MYBPC3: variants seen among roughly 807,000 people sequenced by gnomAD.
The protein encoded by MYBPC3 is myosin binding protein C3.
In MYBPC3, 108 loss-of-function variants were observed where a neutral mutation model predicts 159.3. The observed-to-expected ratio is 0.68, with a 90% CI of 0.58 to 0.80. The LOEUF (loss-of-function observed/expected upper bound fraction) is 0.80. Among genes scored for constraint, MYBPC3 ranks in the 30% least tolerant of loss-of-function variants. The pLI, the probability that MYBPC3 is intolerant of heterozygous loss-of-function variation, is 0.00. For synonymous variants in MYBPC3, 730 were observed against 702.0 expected, an observed-to-expected ratio of 1.04 and a Z score of -0.63; for missense variants, 1,631 against 1,762.1, an observed-to-expected ratio of 0.93 and a Z score of 1.33.
intron 28 of MYBPC3, 74 bp downstream of exon 28, chr11:47,333,848 C>G (rs1420068560): frequency 6.5e-7 from 1 of 1,548,842 alleles, no homozygotes; most frequent in East Asian, 2.4e-5. Context: ...AGCCCTGAGA[C>G]ATCAGTCCAC....
chr11:47,342,964 G>A (rs773266280), intron 15 of MYBPC3, 29 bp from the exon 16 acceptor site: 1 of 1,611,570 alleles, frequency 6.2e-7, no homozygotes, highest in Non-Finnish European at 8.5e-7. Context: ...CATGAGGGTT[G>A]GCTCCCCTGA....
In MYBPC3 at chr11:47,349,928, A is replaced by G; in HGVS notation, c.506-6T>C. On this transcript the variant is annotated splice_polypyrimidine_tract_variant and splice_region_variant and intron_variant, in intron 4 of 34. Coordinates refer to ENST00000545968, the MANE Select transcript of MYBPC3 (RefSeq NM_000256.3). The stretch of plus-strand genomic sequence containing the variant: ...TGAGAAGGTGATGCTGCCACCTGCA[A>G]AGGCAGGGGCGACAGGCCCGGCTTG... The G allele has an allele frequency of 6.5e-7, 1 of 1,535,986 alleles. No individual in the cohort carries two copies. The highest frequency in any genetic ancestry group is 2.4e-5 in the East Asian group (1 of 41,692).
chr11:47,351,838 A>G lies in MYBPC3; in HGVS notation c.26-333T>C, dbSNP rs933403599. On this transcript the variant is annotated intron_variant, in intron 1 of 34. Coordinates refer to ENST00000545968, the MANE Select transcript of MYBPC3 (RefSeq NM_000256.3). This position sits in a 1 kb window ranked among gnomAD's most constrained non-coding sequence, Gnocchi z 4.2. ...GAACCCAGCTCCCTTTCCCCCAACC[A>G]TTTCGGGCCCTTGGCAGGGGGCGGG... 1.3e-5 allele frequency among the ~76,000 whole-genome samples: 2 copies of G among 151,876 alleles called. No homozygotes were observed. Among genetic ancestry groups the G allele is most frequent in the Non-Finnish European group, 2.9e-5 (2 of 67,958 alleles).
At chr11:47,335,661 G>A (rs560336336) in intron 26 of MYBPC3, 2 of 448,874 alleles carry the variant, frequency 4.5e-6, no homozygotes, top group South Asian at 5.5e-5. Flanking sequence ...TGCTGATTTC[G>A]CACTGCTCAA....
At chr11:47,341,670 C>G (rs2095888746) in intron 18 of MYBPC3, among the ~76,000 whole-genome samples, 1 of 152,136 alleles carries the variant, frequency 6.6e-6, no homozygotes, top group Non-Finnish European at 1.5e-5. Context: ...GAGCGCTCGA[C>G]CCCGTCCGTG....
In MYBPC3 at chr11:47,351,492, G is replaced by A. The variant is rs730880136; in HGVS notation, c.39C>T (p.Ser13=). The change falls in exon 2 of 35, where the codon AGC becomes AGT. Residue 13 remains serine, a synonymous_variant. Transcript: ENST00000545968. The surrounding 1 kb of genome is among the most constrained non-coding windows in gnomAD (Gnocchi z 4.2). ...EPGKKPVSAF[S]KKPRSVEVAA... is the part of the protein sequence containing the mutation. ...CCACTTCCACTGACCGTGGCTTCTT[G>A]CTAAAAGCTGAGACTGAAGGGCCAG... 2.5e-6 allele frequency: 4 copies of A among 1,587,292 alleles called. No homozygotes were observed. Among genetic ancestry groups the A allele is most frequent in the Non-Finnish European group, 2.6e-6 (3 of 1,161,384 alleles).
Position 47,346,985 on chromosome 11 carries a change from C to T in MYBPC3, c.908+42G>A, listed in dbSNP as rs771310469. Reference sequence around the variant, plus strand: ...GGACGGGAATCCCCTCTGCACCCACCAGCGCCCTGCCGCCCCCAAACACCC... The same window carrying T: ...GGACGGGAATCCCCTCTGCACCCACTAGCGCCCTGCCGCCCCCAAACACCC... On this transcript the variant is annotated intron_variant, in intron 10 of 34. Transcript: ENST00000545968. This position sits in a 1 kb window ranked among gnomAD's most constrained non-coding sequence, Gnocchi z 5.3. 9.1e-6 allele frequency: 7 copies of T among 771,434 alleles called. No individual in the cohort carries two copies. Among genetic ancestry groups the T allele is most frequent in the Non-Finnish European group, 2.4e-6 (1 of 422,894 alleles). The allele number at this position is 771,434 out of a possible 1,614,324, so 47.8% of individuals were successfully genotyped here. A position where few individuals can be genotyped will look rare whatever the true frequency, so the allele number is the denominator to read the frequency against.
rs377577698 is a variant in MYBPC3 at position 47,342,915 on chromosome 11, G to A, written c.1372C>T (p.Arg458Cys). Residue 458 changes from arginine to cysteine, a missense_variant, in exon 16 of 35, where the codon CGC becomes TGC. By Grantham distance (180) the Arg-to-Cys change is radical. Transcript: ENST00000545968. ...ATCACCAGCTGGTCCTCCAAGGGGC[G>A]CGTGATGAGCACAGGGGGCTCTGTC... ...FVKEPPVLIT[R>C]PLEDQLVMVG... 39 of 1,611,928 alleles carry A rather than the reference G, an allele frequency of 2.4e-5. No homozygotes were observed. Among genetic ancestry groups the A allele is most frequent in the African/African-American group, 1.3e-4 (10 of 74,908 alleles).
chr11:47,340,214 C>G (rs1425606401), intron 20 of MYBPC3, among the ~76,000 whole-genome samples: 1 of 142,162 alleles, frequency 7.0e-6, no homozygotes, highest in East Asian at 2.4e-4. Flanking sequence ...GACACAAATA[C>G]ACATACATAC....
rs945231634 is a variant in MYBPC3 at position 47,350,489 on chromosome 11, C to T, written c.406+13G>A. 6.4e-7 allele frequency: 1 copy of T among 1,551,226 alleles called. No individual in the cohort carries two copies. The highest frequency in any genetic ancestry group is 8.7e-7 in the Non-Finnish European group (1 of 1,149,862). ...CCCACGGATCCTGCCCCTCCCTGCC[C>T]AGCCCCTCTCACCTTTGGGACTTGG... On this transcript the variant is annotated intron_variant, in intron 3 of 34. Coordinates refer to ENST00000545968, the MANE Select transcript of MYBPC3 (RefSeq NM_000256.3).
intron 27 of MYBPC3, among the ~76,000 whole-genome samples, 200 bp from the exon 28 acceptor site, chr11:47,334,210 A>G (rs1361124222): frequency 2.0e-5 from 3 of 152,222 alleles, no homozygotes; most frequent in African/African-American, 7.2e-5. Context: ...GAGCCTCACC[A>G]CTTCAAAAGG....
At position 47,332,818 on chromosome 11, in the gene MYBPC3, T is replaced by A. The variant is rs786204358; in HGVS notation, c.3486A>T (p.Arg1162Ser). The A allele has an allele frequency of 2.5e-6, 4 of 1,605,418 alleles. No individual in the cohort carries two copies. The African/African-American group carries it at 5.4e-5, about 21-fold the overall frequency. Residue 1162 changes from arginine (R) to serine (S), a missense_variant, in exon 31 of 35, where the codon AGA becomes AGT. Arg to Ser is a moderately radical substitution (Grantham distance 110, BLOSUM62 -1). Transcript: ENST00000545968. The surrounding 1 kb of genome is among the most constrained non-coding windows in gnomAD (Gnocchi z 4.2). ...ATTKEPVFIPRPGITYEPPNY... is the reference protein window; with the variant it reads ...ATTKEPVFIPSPGITYEPPNY... The stretch of plus-strand genomic sequence containing the variant: ...GGAAGAATGAGGGTACAGCACCTGG[T>A]CTGGGGATAAAGACGGGCTCCTTGG...
Position 47,349,847 on chromosome 11 carries a change from C to A in MYBPC3, c.581G>T (p.Gly194Val). ...CTTGCTGCTCAGGTCCACCCATTTGCCCTTGAACCACTTGACCACAGGCGG... is the reference window on the plus strand; with the variant it reads ...CTTGCTGCTCAGGTCCACCCATTTGACCTTGAACCACTTGACCACAGGCGG... Reference protein sequence around the residue: ...LKPPVVKWFKGKWVDLSSKVG... With the variant: ...LKPPVVKWFKVKWVDLSSKVG... Residue 194 changes from glycine to valine, a missense_variant, in exon 5 of 35, where the codon GGC (glycine) becomes GTC (valine). Coordinates refer to ENST00000545968, the MANE Select transcript of MYBPC3 (RefSeq NM_000256.3). 1 of 1,612,628 alleles carries A rather than the reference C, an allele frequency of 6.2e-7. No individual in the cohort carries two copies. The highest frequency in any genetic ancestry group is 8.5e-7 in the Non-Finnish European group (1 of 1,179,684).
rs1304410427 is a variant in MYBPC3 at position 47,335,240 on chromosome 11, A to G, written c.2738-31T>C. 4 of 1,534,874 alleles carry G rather than the reference A, an allele frequency of 2.6e-6. No homozygotes were observed. In the South Asian group the frequency reaches 5.0e-5, roughly 19 times the overall value. Reference sequence around the variant, plus strand: ...GGTGGGGAGGGGGAGGCAAGGCCACAGGCTGTGTCACCACTGACACCCCAC... The same window carrying G: ...GGTGGGGAGGGGGAGGCAAGGCCACGGGCTGTGTCACCACTGACACCCCAC... On this transcript the variant is annotated intron_variant, in intron 26 of 34. Transcript: ENST00000545968.
At position 47,332,232 on chromosome 11, in the gene MYBPC3, G is replaced by A. The variant is rs374755212; in HGVS notation, c.3654C>T (p.Gly1218=). The change falls in exon 33 of 35, where the codon GGC becomes GGT. Residue 1218 remains glycine (G), a synonymous_variant. Transcript: ENST00000545968. The surrounding 1 kb of genome is among the most constrained non-coding windows in gnomAD (Gnocchi z 4.2). ...AGCGGGCGTCTTCTCCCAGGTCCAG[G>A]CCATTCTTGAACCAGGAAATCTTGG... is the stretch of plus-strand genomic sequence containing the variant. ...PKPKISWFKN[G]LDLGEDARFR... is the part of the protein sequence containing the mutation. 4.0e-5 allele frequency: 65 copies of A among 1,613,716 alleles called. No homozygotes were observed. The highest frequency in any genetic ancestry group is 5.0e-5 in the Non-Finnish European group (59 of 1,179,904).
rs2095891335 is a variant in MYBPC3 at position 47,343,564 on chromosome 11, G to A, written c.1151C>T (p.Thr384Ile). 3 of 1,612,758 alleles carry A rather than the reference G, an allele frequency of 1.9e-6. No individual in the cohort carries two copies. Among genetic ancestry groups the A allele is most frequent in the Non-Finnish European group, 1.7e-6 (2 of 1,179,520 alleles). ...QVSKGHKIRLTVELADHDAEV... is the reference protein window; with the variant it reads ...QVSKGHKIRLIVELADHDAEV... ...AGCGTCATGGTCAGCCAGTTCCACG[G>A]TCAGCCGGATCTTGTGGCCTTTGCT... Residue 384 changes from threonine (T) to isoleucine (I), a missense_variant, in exon 13 of 35, where the codon ACC (threonine) becomes ATC (isoleucine). By Grantham distance (89) the Thr-to-Ile change is moderately conservative. Transcript: ENST00000545968.
In MYBPC3 at chr11:47,349,998, A is replaced by T; in HGVS notation, c.505+16T>A. On this transcript the variant is annotated intron_variant, in intron 4 of 34. Coordinates refer to ENST00000545968, the MANE Select transcript of MYBPC3 (RefSeq NM_000256.3). ...CCCTTCCCACCCCAATGCTGGGCAC[A>T]GCAGCTCACACTCACCCACGGTCAC... is the stretch of plus-strand genomic sequence containing the variant. 1 of 1,559,678 alleles carries T rather than the reference A, an allele frequency of 6.4e-7. No individual in the cohort carries two copies. Among genetic ancestry groups the T allele is most frequent in the Non-Finnish European group, 8.7e-7 (1 of 1,151,946 alleles).
At chr11:47,349,747 G>C in intron 5 of MYBPC3, 27 bp downstream of exon 5, 1 of 1,597,110 alleles carries the variant, frequency 6.3e-7, no homozygotes, top group Non-Finnish European at 8.5e-7. Flanking sequence ...CCCTCTCTCC[G>C]TGTCTCCACG....
Position 47,343,288 on chromosome 11 carries a change from G to A in MYBPC3, c.1224-26C>T, listed in dbSNP as rs780714285. 2.6e-6 allele frequency: 4 copies of A among 1,546,330 alleles called. No homozygotes were observed. The Admixed American group carries it at 5.5e-5, about 21-fold the overall frequency. On this transcript the variant is annotated intron_variant, in intron 13 of 34. Coordinates refer to ENST00000545968, the MANE Select transcript of MYBPC3 (RefSeq NM_000256.3). ...CTGTAGAACAGAAGGGGCCGTTGAA[G>A]TGTTCCCGACGGGAGGAAGTGAGCC...
Sources: gnomAD v4.1 joint callset for allele counts (sites outside exome capture counted in the v4.1 genomes callset) on GRCh38, gnomAD v4.1.1 for gene constraint, Gnocchi (gnomAD v3.1) non-coding constraint, MANE v1.5 for transcripts, NCBI Gene and HGNC (gene_info 2026-07-23, HGNC 2026-07-21) for gene names.